The following HAPLN1 variants were observed in gnomAD, a reference collection of about 807,000 sequenced individuals.
HAPLN1 encodes Cartilage link protein.
HAPLN1 carries 13 observed loss-of-function variants against 36.5 expected under a neutral mutation model. The observed-to-expected ratio is 0.36, with a 90% confidence interval of 0.23 to 0.57. HAPLN1 has a LOEUF of 0.57. Among genes scored for constraint, HAPLN1 ranks in the 20% least tolerant of loss-of-function variants. HAPLN1 has a pLI of 0.83. For missense variants in HAPLN1, 407 were observed against 439.7 expected, an observed-to-expected ratio of 0.93 and a Z score of 0.66; for synonymous variants, 202 against 169.8, an observed-to-expected ratio of 1.19 and a Z score of -1.48.
intron 2 of HAPLN1, among the ~76,000 whole-genome samples, chr5:83,659,921 G>A (rs895221225): frequency 6.6e-6 from 1 of 151,156 alleles, no homozygotes. Context: ...AGTGATTGGT[G>A]CTGTTTTTCA....
intron 1 of HAPLN1, among the ~76,000 whole-genome samples, chr5:83,718,412 A>C (rs773108462): frequency 2.6e-5 from 4 of 152,180 alleles, no homozygotes; most frequent in Non-Finnish European, 2.9e-5. Flanking sequence ...CACAGGGACC[A>C]TGCTTCACAC....
intron 2 of HAPLN1, among the ~76,000 whole-genome samples, chr5:83,661,435 CTTTTTTTTTTTT>C (rs56005008): frequency 4.8e-5 from 3 of 62,976 alleles, no homozygotes; most frequent in East Asian, 1.0e-3. Context: ...AGAAAAGCTT[CTTTTTTTTTTTT>C]TTTTTTTTTT....
At chr5:83,661,669 C>T (rs1008856685) in intron 2 of HAPLN1, among the ~76,000 whole-genome samples, 4 of 151,966 alleles carry the variant, frequency 2.6e-5, no homozygotes, top group African/African-American at 7.3e-5. Context: ...TGGTCTCGAT[C>T]CCTGACCTCG....
Position 83,644,535 on chromosome 5 carries a change from C to T in HAPLN1, c.603G>A (p.Gly201=). Residue 201 remains glycine, a synonymous_variant, in exon 4 of 5, where the codon GGG becomes GGA. Transcript: ENST00000274341. The part of the protein sequence containing the change: ...FDQLYDAWRG[G]LDWCNAGWLS... ...GCCAGCCGGCATTGCACCAGTCCAG[C>T]CCGCCCCGCCAGGCGTCGTACAGCT... 3.1e-6 allele frequency: 5 copies of T among 1,610,308 alleles called. No individual in the cohort carries two copies. The highest frequency in any genetic ancestry group is 1.3e-5 in the African/African-American group (1 of 74,788).
intron 1 of HAPLN1, among the ~76,000 whole-genome samples, chr5:83,714,915 A>G (rs1229646239): frequency 6.6e-6 from 1 of 152,246 alleles, no homozygotes; most frequent in African/African-American, 2.4e-5. Flanking sequence ...TGGATGTTGG[A>G]TGCCCCTTGG....
chr5:83,692,415 A>C (rs149680213), intron 1 of HAPLN1, among the ~76,000 whole-genome samples: 1,828 of 152,056 alleles, frequency 0.012, 12 homozygotes, highest in Middle Eastern at 0.017. Flanking sequence ...ACAGAGGAAT[A>C]AAGGTAAAGA....
At chr5:83,656,007 A>C (rs1750200234) in intron 2 of HAPLN1, among the ~76,000 whole-genome samples, 1 of 152,194 alleles carries the variant, frequency 6.6e-6, no homozygotes. Context: ...CTCCTGGATC[A>C]GTTTGAAATT....
chr5:83,707,920 T>C (rs1376497491), intron 1 of HAPLN1, among the ~76,000 whole-genome samples: 1 of 152,188 alleles, frequency 6.6e-6, no homozygotes, highest in Non-Finnish European at 1.5e-5. Flanking sequence ...AACAGAATTT[T>C]CCGAAGAAGG....
At chr5:83,690,283 T>C (rs1201193121) in intron 1 of HAPLN1, among the ~76,000 whole-genome samples, 1 of 152,088 alleles carries the variant, frequency 6.6e-6, no homozygotes, top group African/African-American at 2.4e-5. Context: ...TGTTTTATAA[T>C]CTGGGCTTTG....
At position 83,687,063 on chromosome 5, in the gene HAPLN1, G is replaced by A. The variant is rs150624798; in HGVS notation, c.-26-13514C>T. 4.4e-3 allele frequency among the ~76,000 whole-genome samples: 675 copies of A among 152,168 alleles called. 5 individuals carry two copies. The highest frequency in any genetic ancestry group is 0.014 in the African/African-American group (574 of 41,528). ...AAAAGGAAATGCACTCAAAAATTAC[G>A]AAATATGTAAAACAAAACTGATATA... On this transcript the variant is annotated intron_variant, in intron 1 of 4. Transcript: ENST00000274341.
At chr5:83,661,500 A>G (rs1022747212) in intron 2 of HAPLN1, among the ~76,000 whole-genome samples, 2 of 122,184 alleles carry the variant, frequency 1.6e-5, no homozygotes, top group East Asian at 2.6e-4. Context: ...GCCGGAGTGC[A>G]GTGGCGCGAT....
intron 2 of HAPLN1, among the ~76,000 whole-genome samples, chr5:83,664,691 T>G (rs1411894167): frequency 1.3e-5 from 2 of 152,306 alleles, no homozygotes; most frequent in East Asian, 1.9e-4. Context: ...CAAAAAAAAC[T>G]TTTATATTTA....
At chr5:83,689,026 C>A (rs560492332) in intron 1 of HAPLN1, among the ~76,000 whole-genome samples, 1 of 152,240 alleles carries the variant, frequency 6.6e-6, no homozygotes, top group Non-Finnish European at 1.5e-5. Flanking sequence ...TTTGCACAGG[C>A]AAAATTCCAT....
At chr5:83,657,710 G>C (rs889358300) in intron 2 of HAPLN1, among the ~76,000 whole-genome samples, 1 of 151,790 alleles carries the variant, frequency 6.6e-6, no homozygotes, top group South Asian at 2.1e-4. Context: ...ATTGAGGATG[G>C]TGCAAGCTAG....
chr5:83,688,568 T>C (rs987217072), intron 1 of HAPLN1, among the ~76,000 whole-genome samples: 2 of 151,922 alleles, frequency 1.3e-5, no homozygotes, highest in Non-Finnish European at 2.9e-5. Context: ...CAAATGGATG[T>C]TGACCTCTTT....
chr5:83,684,299 A>G (rs1751072726), intron 1 of HAPLN1, among the ~76,000 whole-genome samples: 1 of 152,136 alleles, frequency 6.6e-6, no homozygotes, highest in Non-Finnish European at 1.5e-5. Flanking sequence ...TACACCAGGC[A>G]AGTAGAAATA....
chr5:83,641,324 A>G lies in HAPLN1; in HGVS notation c.*172T>C, dbSNP rs1749685974. 2 of 444,062 alleles carry G rather than the reference A, an allele frequency of 4.5e-6. No individual in the cohort carries two copies. The highest frequency in any genetic ancestry group is 2.0e-5 in the African/African-American group (1 of 49,782). 27.5% of individuals were successfully genotyped at this position (444,062 alleles called of 1,614,324 possible). On this transcript the variant is annotated 3_prime_UTR_variant, in exon 5 of 5. Transcript: ENST00000274341. ...ATTAATTTATAATATATATTGAATG[A>G]TAGCTTTACAAAAAACAAATCAATG...
At chr5:83,702,110 A>G (rs1019993773) in intron 1 of HAPLN1, among the ~76,000 whole-genome samples, 31 of 152,184 alleles carry the variant, frequency 2.0e-4, no homozygotes, top group African/African-American at 7.5e-4. Context: ...GGTGGGAGGG[A>G]TAAAATGATA....
At chr5:83,719,712 G>A (rs1215376565) in intron 1 of HAPLN1, among the ~76,000 whole-genome samples, 1 of 152,116 alleles carries the variant, frequency 6.6e-6, no homozygotes, top group Admixed American at 6.5e-5. Context: ...ATACTGAAAT[G>A]ACTGAAATGT....
Sources: gnomAD v4.1 joint callset for allele counts (sites outside exome capture counted in the v4.1 genomes callset) on GRCh38, gnomAD v4.1.1 for gene constraint, MANE v1.5 for transcripts, NCBI Gene and HGNC (gene_info 2026-07-23, HGNC 2026-07-21) for gene names.